The following SF3B3 variants were observed in gnomAD, a reference collection of about 807,000 sequenced individuals.
The protein encoded by SF3B3 is SAP 130.
SF3B3 carries 33 observed loss-of-function variants against 139.2 expected under a neutral mutation model. The observed-to-expected ratio is 0.24, with a 90% CI of 0.18 to 0.32. SF3B3 has a LOEUF of 0.32. Among genes scored for constraint, SF3B3 ranks in the 10% least tolerant of loss-of-function variants. The pLI is 1.00. For missense variants in SF3B3, 818 were observed against 1,509.4 expected (o/e 0.54, Z 7.59); for synonymous variants, 596 against 563.6 (o/e 1.06, Z -0.81).
chr16:70,556,029 T>C, intron 13 of SF3B3, 150 bp from the exon 14 acceptor site: 1 of 698,666 alleles, frequency 1.4e-6, no homozygotes, highest in Non-Finnish European at 2.3e-6. Flanking sequence ...GATAAATTCT[T>C]GTCATTTACT....
At chr16:70,536,681 C>T (rs1325311007) in intron 6 of SF3B3, among the ~76,000 whole-genome samples, 12 of 151,578 alleles carry the variant, frequency 7.9e-5, no homozygotes, top group Non-Finnish European at 1.5e-4. Flanking sequence ...TTAATAGAGA[C>T]GGGGTTTGCC....
intron 22 of SF3B3, 53 bp downstream of exon 22, chr16:70,568,548 A>G (rs1422651202): frequency 2.8e-6 from 4 of 1,447,912 alleles, no homozygotes; most frequent in Non-Finnish European, 3.8e-6. Flanking sequence ...AAGCTGGCTC[A>G]GTTTCTTGTG....
chr16:70,524,574 CG>C, intron 1 of SF3B3: 1 of 134,026 alleles, frequency 7.5e-6, no homozygotes. Context: ...AGAGCAGTGG[CG>C]CGATCTCGGC....
intron 5 of SF3B3, among the ~76,000 whole-genome samples, chr16:70,534,228 A>G (rs1213246890): frequency 1.3e-5 from 2 of 152,188 alleles, no homozygotes; most frequent in African/African-American, 4.8e-5. Flanking sequence ...GGCAAAGGGA[A>G]CAGCATTTAC....
intron 4 of SF3B3, among the ~76,000 whole-genome samples, chr16:70,532,107 A>G (rs907834071): frequency 6.6e-6 from 1 of 152,190 alleles, no homozygotes. Flanking sequence ...AGCCTGACCA[A>G]CATGGAGAAA....
rs774028348 is a variant in SF3B3, at chr16:70,556,903, A to G, written c.1884A>G (p.Leu628=). The change falls in exon 15 of 26, where the codon CTA becomes CTG. Residue 628 remains leucine (L), a synonymous_variant. Coordinates refer to ENST00000302516, the MANE Select transcript of SF3B3 (RefSeq NM_012426.5). ...CCTCTCAGGACTGTTTGCAACCTCT[A>G]AGCATGCAGGCTCTCCCAGCCCAGC... The part of the protein sequence containing the change: ...SLDPSDCLQP[L]SMQALPAQPE... 7.4e-6 allele frequency: 12 copies of G among 1,613,904 alleles called. No homozygotes were observed. The African/African-American group carries it at 1.1e-4, about 14-fold the overall frequency.
At chr16:70,535,511 T>G (rs2050157947) in intron 6 of SF3B3, 91 bp downstream of exon 6, 1 of 662,274 alleles carries the variant, frequency 1.5e-6, no homozygotes. Flanking sequence ...TTAGTTTTTT[T>G]GTAAATTAAA....
In SF3B3 at chr16:70,571,765, C is replaced by G. The variant is rs777726874; in HGVS notation, c.3606C>G (p.Pro1202=). 1.2e-6 allele frequency: 2 copies of G among 1,614,010 alleles called. No homozygotes were observed. Among genetic ancestry groups the G allele is most frequent in the African/African-American group, 1.3e-5 (1 of 74,920 alleles). ...CTGAAGAACTGGACCGAACCCCACCCGAAGTGTCCAAGAAACTCGAGGATA... is the reference window on the plus strand; with the variant it reads ...CTGAAGAACTGGACCGAACCCCACCGGAAGTGTCCAAGAAACTCGAGGATA... ...NVSEELDRTP[P]EVSKKLEDIR... Residue 1202 remains proline (P), a synonymous_variant, in exon 26 of 26, where the codon CCC becomes CCG. Coordinates refer to ENST00000302516, the MANE Select transcript of SF3B3 (RefSeq NM_012426.5).
Position 70,564,060 on chromosome 16 carries a change from C to T in SF3B3, c.2463+10C>T, listed in dbSNP as rs756347403. 2 of 1,612,656 alleles carry T rather than the reference C, an allele frequency of 1.2e-6. No homozygotes were observed. Among genetic ancestry groups the T allele is most frequent in the South Asian group, 1.1e-5 (1 of 90,884 alleles). On this transcript the variant is annotated intron_variant, in intron 18 of 25. Coordinates refer to ENST00000302516, the MANE Select transcript of SF3B3 (RefSeq NM_012426.5). ...GCAGCAGATGGCAGAGGTAATGAGA[C>T]TAACGTTCAGGGGTTCTATTAAAAG...
intron 5 of SF3B3, 35 bp downstream of exon 5, chr16:70,532,655 A>G: frequency 1.2e-6 from 2 of 1,608,390 alleles, no homozygotes; most frequent in South Asian, 2.2e-5. Flanking sequence ...GTACCCTTTT[A>G]CTTGGTTCAT....
chr16:70,557,462 G>C (rs1368085450), intron 15 of SF3B3, among the ~76,000 whole-genome samples: 3 of 152,206 alleles, frequency 2.0e-5, no homozygotes, highest in Non-Finnish European at 2.9e-5. Flanking sequence ...CGCTAAGATA[G>C]TGTCAGGATT....
At chr16:70,559,919 T>G (rs536841676) in intron 15 of SF3B3, among the ~76,000 whole-genome samples, 1 of 119,232 alleles carries the variant, frequency 8.4e-6, no homozygotes, top group Non-Finnish European at 1.8e-5. Context: ...TTTTGAGGGG[T>G]GCGGGGGGGT....
At chr16:70,551,400 C>G (rs2050323725) in intron 11 of SF3B3, among the ~76,000 whole-genome samples, 1 of 152,126 alleles carries the variant, frequency 6.6e-6, no homozygotes, top group African/African-American at 2.4e-5. Context: ...TTGTTCTGAA[C>G]TCCAGCGTTT....
chr16:70,547,154 G>C (rs1027092178), intron 10 of SF3B3, among the ~76,000 whole-genome samples: 39 of 152,094 alleles, frequency 2.6e-4, no homozygotes, highest in African/African-American at 9.4e-4. Flanking sequence ...TTTTACATTT[G>C]GTATAGACTA....
chr16:70,570,332 G>GTTTTT (rs1290801731), intron 24 of SF3B3, among the ~76,000 whole-genome samples, 183 bp downstream of exon 24: 16 of 106,860 alleles, frequency 1.5e-4, no homozygotes, highest in Non-Finnish European at 2.4e-4. Context: ...AAGGCCATTT[G>GTTTTT]GTTTTTTTTT....
At chr16:70,554,926 C>A in intron 12 of SF3B3, 125 bp from the exon 13 acceptor site, 1 of 876,594 alleles carries the variant, frequency 1.1e-6, no homozygotes, top group Non-Finnish European at 1.7e-6. Flanking sequence ...GTCTTTGATT[C>A]AACTGGTGCC....
chr16:70,530,138 A>AT (rs1211557711), intron 3 of SF3B3, among the ~76,000 whole-genome samples: 1 of 142,862 alleles, frequency 7.0e-6, no homozygotes. Flanking sequence ...AAATAAATAA[A>AT]TAAATAAATA....
intron 20 of SF3B3, among the ~76,000 whole-genome samples, chr16:70,566,025 G>C (rs2050472744): frequency 6.6e-6 from 1 of 151,994 alleles, no homozygotes. Flanking sequence ...GCTAAGACAG[G>C]AGAATCGCTT....
At position 70,575,081 on chromosome 16, in the gene SF3B3, C is replaced by A. The variant is rs913725191; in HGVS notation, c.*3268C>A. 6.6e-6 allele frequency: 1 copy of A among 152,086 alleles called. No individual in the cohort carries two copies. The highest frequency in any genetic ancestry group is 6.5e-5 in the Admixed American group (1 of 15,268). 9.4% of individuals were successfully genotyped at this position (152,086 alleles called of 1,614,324 possible). A position where few individuals can be genotyped will look rare whatever the true frequency, so the allele number is the denominator to read the frequency against. The stretch of plus-strand genomic sequence containing the variant: ...ACATTTGAGTGATCTGGTAGCCCAA[C>A]ACACCCTGTGAAGTTCAGGTGAACT... On this transcript the variant is annotated 3_prime_UTR_variant, in exon 26 of 26. Transcript: ENST00000302516.
Sources: gnomAD v4.1 joint callset for allele counts (sites outside exome capture counted in the v4.1 genomes callset) on GRCh38, gnomAD v4.1.1 for gene constraint, MANE v1.5 for transcripts, NCBI Gene and HGNC (gene_info 2026-07-23, HGNC 2026-07-21) for gene names.